CNOT4: variants seen among roughly 807,000 people sequenced by gnomAD.
CNOT4 encodes CCR4-NOT transcription complex subunit 4, also known as CCR4-associated factor 4.
In CNOT4, 8 loss-of-function variants were observed where a neutral mutation model predicts 73.8. That is an observed-to-expected ratio of 0.11 (90% CI 0.06 to 0.20). The LOEUF is 0.20. Among genes scored for constraint, CNOT4 ranks in the 10% least tolerant of loss-of-function variants. The pLI is 1.00. For missense variants in CNOT4, 564 were observed against 883.4 expected, an observed-to-expected ratio of 0.64 and a Z score of 4.58; for synonymous variants, 293 against 321.1, an observed-to-expected ratio of 0.91 and a Z score of 0.94.
At chr7:135,497,053 C>T (rs760275096) in intron 1 of CNOT4, among the ~76,000 whole-genome samples, 48 of 152,064 alleles carry the variant, frequency 3.2e-4, no homozygotes, top group Admixed American at 1.4e-3. Flanking sequence ...AGCTATCCTC[C>T]AGCCTCGGAC....
At position 135,363,472 on chromosome 7, in the gene CNOT4, C is replaced by T. The variant is rs1425916928; in HGVS notation, c.1841-286G>A. Among the ~76,000 whole-genome samples the T allele has an allele frequency of 6.6e-6, 1 of 152,194 alleles. No homozygotes were observed. The highest frequency in any genetic ancestry group is 1.5e-5 in the Non-Finnish European group (1 of 68,030). ...TGCCTGATGGCATTTCCCAATTGTGCTTTTCCTCCTCTGACAGGGATGCGT... is the reference window on the plus strand; with the variant it reads ...TGCCTGATGGCATTTCCCAATTGTGTTTTTCCTCCTCTGACAGGGATGCGT... On this transcript the variant is annotated intron_variant, in intron 11 of 11. Transcript: ENST00000541284. The surrounding 1 kb of genome is among the most constrained non-coding windows in gnomAD (Gnocchi z 4.3).
At chr7:135,484,738 G>C (rs1343823879) in intron 1 of CNOT4, among the ~76,000 whole-genome samples, 2 of 148,364 alleles carry the variant, frequency 1.3e-5, no homozygotes, top group African/African-American at 2.5e-5. Context: ...CTAGGCAAGA[G>C]AGTGAGACTC....
intron 1 of CNOT4, among the ~76,000 whole-genome samples, chr7:135,438,929 A>G (rs1489432619): frequency 1.3e-5 from 2 of 152,210 alleles, no homozygotes; most frequent in Non-Finnish European, 2.9e-5. Flanking sequence ...CTCGGATGCC[A>G]TAGAACCATA....
At chr7:135,427,044 T>C (rs1798546912) in intron 2 of CNOT4, among the ~76,000 whole-genome samples, 1 of 152,176 alleles carries the variant, frequency 6.6e-6, no homozygotes, top group Admixed American at 6.5e-5. Context: ...TTAAACATAC[T>C]ATTGTGCATT....
intron 6 of CNOT4, among the ~76,000 whole-genome samples, chr7:135,411,067 C>G (rs1357829317): frequency 6.6e-6 from 1 of 151,976 alleles, no homozygotes; most frequent in Non-Finnish European, 1.5e-5. Context: ...CAAAATTCAT[C>G]AGTCTCCTTT....
chr7:135,502,596 C>T (rs1804055568), intron 1 of CNOT4, among the ~76,000 whole-genome samples: 1 of 152,108 alleles, frequency 6.6e-6, no homozygotes, highest in Non-Finnish European at 1.5e-5. Context: ...GGGCAGATCA[C>T]CTGAGGTCAG....
chr7:135,396,590 G>C (rs531947081), intron 8 of CNOT4, among the ~76,000 whole-genome samples: 3 of 152,268 alleles, frequency 2.0e-5, no homozygotes, highest in African/African-American at 4.8e-5. Context: ...GTAATGGCTA[G>C]ATTATTAAAG....
At position 135,363,954 on chromosome 7, in the gene CNOT4, G is replaced by A. The variant is rs1794778472; in HGVS notation, c.1740C>T (p.Pro580=). 1 of 1,598,432 alleles carries A rather than the reference G, an allele frequency of 6.3e-7. No homozygotes were observed. Among genetic ancestry groups the A allele is most frequent in the Non-Finnish European group, 8.5e-7 (1 of 1,179,776 alleles). The change falls in exon 11 of 12, where the codon CCC becomes CCT. Residue 580 remains proline, a synonymous_variant. Transcript: ENST00000541284. This position sits in a 1 kb window ranked among gnomAD's most constrained non-coding sequence, Gnocchi z 4.3. ...TTGGTGCACTGTGGTTGGCGTTGGA[G>A]GGGGAAGAAGAATTGGGCAGTCCAC... The part of the protein sequence containing the change: ...NFGGLPNSSS[P]SNANHSAPTS...
In CNOT4 at chr7:135,363,292, T is replaced by C. The variant is rs1002608135; in HGVS notation, c.1841-106A>G. ...AAACCAAAAGGAAAGACAGAAGAGA[T>C]TACAATTTTAAACTCCTTCCAAATA... On this transcript the variant is annotated intron_variant, in intron 11 of 11. Transcript: ENST00000541284. This position sits in a 1 kb window ranked among gnomAD's most constrained non-coding sequence, Gnocchi z 4.3. 2.2e-5 allele frequency: 22 copies of C among 1,012,072 alleles called. No individual in the cohort carries two copies. Among genetic ancestry groups the C allele is most frequent in the African/African-American group, 4.8e-5 (3 of 62,170 alleles). The allele number at this position is 1,012,072 out of a possible 1,614,324, so 62.7% of individuals were successfully genotyped here.
intron 1 of CNOT4, among the ~76,000 whole-genome samples, chr7:135,505,616 C>T (rs1242976589): frequency 6.6e-6 from 1 of 152,084 alleles, no homozygotes; most frequent in East Asian, 1.9e-4. Context: ...AAAATAAACT[C>T]ATACTCAAAC....
chr7:135,495,745 A>C (rs1803515655), intron 1 of CNOT4, among the ~76,000 whole-genome samples: 1 of 142,538 alleles, frequency 7.0e-6, no homozygotes, highest in African/African-American at 2.6e-5. Flanking sequence ...AAAGAAAGAA[A>C]GAAAGAAAGA....
At chr7:135,379,969 G>A (rs1043326362) in intron 10 of CNOT4, among the ~76,000 whole-genome samples, 2 of 152,060 alleles carry the variant, frequency 1.3e-5, no homozygotes, top group African/African-American at 4.8e-5. Context: ...CTTGGGCCAA[G>A]ATCTCACTAT....
chr7:135,362,905 A>C lies in CNOT4; in HGVS notation c.2122T>G (p.Ser708Ala), dbSNP rs763890874. The C allele has an allele frequency of 1.9e-6, 3 of 1,612,700 alleles. No individual in the cohort carries two copies. Among genetic ancestry groups the C allele is most frequent in the Non-Finnish European group, 1.7e-6 (2 of 1,179,702 alleles). The change falls in exon 12 of 12, where the codon TCA becomes GCA. Residue 708 changes from serine (S) to alanine (A), a missense_variant. Physicochemically the swap from Ser to Ala is moderately conservative, Grantham distance 99 (BLOSUM62 1). Coordinates refer to ENST00000541284, the MANE Select transcript of CNOT4 (RefSeq NM_001190850.2). ...SKTPTDLLQS[S>A]TLDRH ...TTTGCCTAATGGCGGTCCAGTGTTG[A>C]ACTCTGTAGTAAATCTGTGGGGGTT...
intron 9 of CNOT4, among the ~76,000 whole-genome samples, 171 bp from the exon 10 acceptor site, chr7:135,394,586 C>T (rs1796579853): frequency 6.6e-6 from 1 of 152,134 alleles, no homozygotes; most frequent in Non-Finnish European, 1.5e-5. Context: ...GCCTTATGTA[C>T]TTCTAGCAGT....
intron 3 of CNOT4, among the ~76,000 whole-genome samples, chr7:135,418,345 T>C (rs914392336): frequency 6.6e-6 from 1 of 152,240 alleles, no homozygotes; most frequent in African/African-American, 2.4e-5. Context: ...ACATTATCTA[T>C]ATACTCAATA....
At chr7:135,441,400 T>C (rs936882636) in intron 1 of CNOT4, among the ~76,000 whole-genome samples, 2 of 143,666 alleles carry the variant, frequency 1.4e-5, no homozygotes, top group Non-Finnish European at 3.1e-5. Flanking sequence ...TATTTCAAAA[T>C]AAAATTAAAA....
In CNOT4 at chr7:135,510,034, A is replaced by T. The variant is rs1312662835; in HGVS notation, c.-238T>A. 5.0e-6 allele frequency: 2 copies of T among 398,920 alleles called. No homozygotes were observed. Among genetic ancestry groups the T allele is most frequent in the Non-Finnish European group, 4.4e-6 (1 of 226,154 alleles). The allele number at this position is 398,920 out of a possible 1,614,324, so 24.7% of individuals were successfully genotyped here. A position where few individuals can be genotyped will look rare whatever the true frequency, so the allele number is the denominator to read the frequency against. ...AGTCCGACCTTTACGGCTGAGAGAG[A>T]GACTCTCAGCTTTCGGTGGGTTCCA... On this transcript the variant is annotated 5_prime_UTR_variant, in exon 1 of 12. Coordinates refer to ENST00000541284, the MANE Select transcript of CNOT4 (RefSeq NM_001190850.2).
chr7:135,486,175 A>T (rs1187208743), intron 1 of CNOT4, among the ~76,000 whole-genome samples: 1 of 152,168 alleles, frequency 6.6e-6, no homozygotes, highest in Non-Finnish European at 1.5e-5. Flanking sequence ...AGAAAATGAG[A>T]TATCTAGAAA....
chr7:135,400,029 A>G (rs1364486011), intron 7 of CNOT4, among the ~76,000 whole-genome samples: 1 of 152,124 alleles, frequency 6.6e-6, no homozygotes, highest in Non-Finnish European at 1.5e-5. Flanking sequence ...CAAAGCTACT[A>G]CAAGTGGGGC....
Sources: gnomAD v4.1 joint callset for allele counts (sites outside exome capture counted in the v4.1 genomes callset) on GRCh38, gnomAD v4.1.1 for gene constraint, Gnocchi (gnomAD v3.1) non-coding constraint, MANE v1.5 for transcripts, NCBI Gene and HGNC (gene_info 2026-07-23, HGNC 2026-07-21) for gene names.